The following IQUB variants were observed in gnomAD, a reference collection of about 807,000 sequenced individuals.
IQUB encodes IQ motif and ubiquitin domain containing.
A neutral mutation model predicts 86.4 loss-of-function variants in IQUB; 86 were observed. That is an observed-to-expected ratio of 1.00 (90% CI 0.84 to 1.19). The LOEUF (loss-of-function observed/expected upper bound fraction) is 1.19. IQUB is among the 50% of genes most tolerant of loss of function. The pLI is 0.00. For missense variants in IQUB, 946 were observed against 916.9 expected, an observed-to-expected ratio of 1.03 and a Z score of -0.41; for synonymous variants, 289 against 304.5, an observed-to-expected ratio of 0.95 and a Z score of 0.53.
At chr7:123,501,152 C>T (rs1387247595) in intron 6 of IQUB, 1 of 152,166 alleles carries the variant, frequency 6.6e-6, no homozygotes, top group Admixed American at 6.5e-5. Flanking sequence ...ATTCATGGAA[C>T]ATGCTGCCTT....
intron 1 of IQUB, among the ~76,000 whole-genome samples, chr7:123,517,611 C>G: frequency 8.2e-6 from 1 of 121,730 alleles, no homozygotes; most frequent in East Asian, 2.6e-4. Flanking sequence ...CCCTTGAAAA[C>G]AAAATTCAAA....
intron 10 of IQUB, among the ~76,000 whole-genome samples, chr7:123,463,878 G>A (rs777825400): frequency 6.6e-6 from 1 of 151,666 alleles, no homozygotes; most frequent in East Asian, 1.9e-4. Flanking sequence ...GAGAAAGAAG[G>A]TGGCTCAGAC....
chr7:123,480,088 A>T (rs1794937134), intron 7 of IQUB, 118 bp from the exon 8 acceptor site: 2 of 726,446 alleles, frequency 2.8e-6, no homozygotes, highest in Non-Finnish European at 4.4e-6. Flanking sequence ...CACAGATAGA[A>T]TCATTTCTAT....
chr7:123,525,855 C>T (rs1391276902), intron 1 of IQUB, among the ~76,000 whole-genome samples: 1 of 149,276 alleles, frequency 6.7e-6, no homozygotes, highest in Non-Finnish European at 1.5e-5. Flanking sequence ...ATAAATTTCC[C>T]TCTACACACT....
chr7:123,453,828 T>G (rs1174699449), intron 12 of IQUB, among the ~76,000 whole-genome samples: 1 of 152,204 alleles, frequency 6.6e-6, no homozygotes, highest in Non-Finnish European at 1.5e-5. Flanking sequence ...TCATTAAATT[T>G]TCTTGTTTCT....
At chr7:123,525,081 T>C (rs1797127967) in intron 1 of IQUB, among the ~76,000 whole-genome samples, 1 of 152,370 alleles carries the variant, frequency 6.6e-6, no homozygotes, top group East Asian at 1.9e-4. Flanking sequence ...AGCTTTTTCA[T>C]GTGCTGCTGG....
At chr7:123,457,600 G>A (rs548465634) in intron 11 of IQUB, 34 bp from the exon 12 acceptor site, 3 of 1,440,638 alleles carry the variant, frequency 2.1e-6, no homozygotes, top group Non-Finnish European at 2.9e-6. Context: ...AAACAATGTA[G>A]TTTAAATTTG....
At chr7:123,521,884 G>A (rs1584649067) in intron 1 of IQUB, among the ~76,000 whole-genome samples, 1 of 152,226 alleles carries the variant, frequency 6.6e-6, no homozygotes, top group African/African-American at 2.4e-5. Flanking sequence ...GAAATGTCAA[G>A]GTTTCTAAGT....
At chr7:123,512,535 T>C (rs1796467457) in intron 1 of IQUB, among the ~76,000 whole-genome samples, 191 bp from the exon 2 acceptor site, 1 of 152,334 alleles carries the variant, frequency 6.6e-6, no homozygotes, top group East Asian at 1.9e-4. Context: ...GACAATACTC[T>C]GCAAAGAATA....
chr7:123,501,568 A>G (rs1795946242), intron 6 of IQUB: 1 of 152,202 alleles, frequency 6.6e-6, no homozygotes, highest in Admixed American at 6.5e-5. Context: ...TAGATCAGTA[A>G]GAAACAAACA....
At chr7:123,456,164 A>G (rs1363687438) in intron 12 of IQUB, among the ~76,000 whole-genome samples, 2 of 152,112 alleles carry the variant, frequency 1.3e-5, no homozygotes, top group Admixed American at 1.3e-4. Flanking sequence ...CAGAAATTCG[A>G]TAAGACTGGC....
Position 123,464,835 on chromosome 7 carries a change from T to G in IQUB, c.1756A>C (p.Lys586Gln). 2 of 1,565,528 alleles carry G rather than the reference T, an allele frequency of 1.3e-6. No individual in the cohort carries two copies. Among genetic ancestry groups the G allele is most frequent in the Non-Finnish European group, 1.7e-6 (2 of 1,155,848 alleles). ...LFNPEVAKYL[K>Q]VPQDPLKFYK... ...ATATAGAGAAAAATGTAGAATACCT[T>G]AAGGTATTTTGCAACTTCAGGATTA... The change falls in exon 10 of 13, where the codon AAG (lysine) becomes CAG (glutamine). Residue 586 changes from lysine to glutamine, a missense_variant and splice_region_variant. By Grantham distance (53) the Lys-to-Gln change is moderately conservative (BLOSUM62 1). Transcript: ENST00000324698.
intron 1 of IQUB, among the ~76,000 whole-genome samples, chr7:123,520,738 C>G (rs748521915): frequency 3.9e-4 from 59 of 152,068 alleles, no homozygotes; most frequent in Non-Finnish European, 6.8e-4. Context: ...TAGGAGTCTA[C>G]TGGAATCTAT....
chr7:123,463,822 A>ACTC (rs1794117881), intron 10 of IQUB, among the ~76,000 whole-genome samples: 1 of 151,742 alleles, frequency 6.6e-6, no homozygotes, highest in African/African-American at 2.4e-5. Flanking sequence ...AATTGTAGAA[A>ACTC]CTCTATCAAT....
At chr7:123,469,012 T>C (rs1242219249) in intron 9 of IQUB, among the ~76,000 whole-genome samples, 1 of 152,214 alleles carries the variant, frequency 6.6e-6, no homozygotes, top group Non-Finnish European at 1.5e-5. Flanking sequence ...TGCATAAAGA[T>C]ATATTTACAT....
At chr7:123,458,793 T>A (rs888881682) in intron 11 of IQUB, among the ~76,000 whole-genome samples, 2 of 152,018 alleles carry the variant, frequency 1.3e-5, no homozygotes, top group Non-Finnish European at 2.9e-5. Flanking sequence ...ATTTTTGCAG[T>A]AACAGAGCAA....
intron 1 of IQUB, among the ~76,000 whole-genome samples, chr7:123,524,811 C>A (rs1191758137): frequency 6.7e-6 from 1 of 148,470 alleles, no homozygotes; most frequent in Non-Finnish European, 1.5e-5. Flanking sequence ...AGTTTTGGCC[C>A]ATTCAGTATG....
At chr7:123,493,731 ATGTGTGTGTGTGTGTG>A (rs71161484) in intron 7 of IQUB, among the ~76,000 whole-genome samples, 20 of 112,564 alleles carry the variant, frequency 1.8e-4, no homozygotes, top group African/African-American at 4.0e-4. Flanking sequence ...ATGTGTGTGT[ATGTGTGTGTGTGTGTG>A]TGTGTGTGTG....
rs763690248 is a variant in IQUB at position 123,479,812 on chromosome 7, G to C, written c.1393C>G (p.Gln465Glu). ...TCACTAACCTTATCCAAAAAAGCTT[G>C]TATTGCTGCTTCCTGATTTGCCATA... ...AYMANQEAAI[Q>E]AFLDKCSAPK... Residue 465 changes from glutamine to glutamate, a missense_variant, in exon 8 of 13, where the codon CAA (glutamine) becomes GAA (glutamate). Gln to Glu is a conservative substitution (Grantham distance 29, BLOSUM62 2). Coordinates refer to ENST00000324698, the MANE Select transcript of IQUB (RefSeq NM_178827.5). The C allele has an allele frequency of 1.2e-5, 19 of 1,611,442 alleles. No individual in the cohort carries two copies. The highest frequency in any genetic ancestry group is 1.4e-5 in the Non-Finnish European group (17 of 1,178,680).
Sources: allele counts gnomAD v4.1 joint callset (sites outside exome capture counted in the v4.1 genomes callset), GRCh38; gene constraint gnomAD v4.1.1; transcripts MANE v1.5; gene names NCBI Gene and HGNC (gene_info 2026-07-23, HGNC 2026-07-21).